The following GPR107 variants were observed in gnomAD, a reference collection of about 807,000 sequenced individuals.
The protein encoded by GPR107 is G protein-coupled receptor 107, also known as protein GPR107.
In GPR107, 31 loss-of-function variants were observed where a neutral mutation model predicts 75.5. The ratio of observed to expected loss-of-function variants is 0.41; its 90% CI spans 0.31 to 0.55. GPR107 has a LOEUF of 0.55. Among genes scored for constraint, GPR107 ranks in the 20% least tolerant of loss-of-function variants. The probability of loss-of-function intolerance (pLI) is 0.26; values close to 1 mark genes in which losing one functional copy is unlikely to be tolerated. For synonymous variants in GPR107, 267 were observed against 251.3 expected (o/e 1.06, Z -0.59); for missense variants, 572 against 665.7 (o/e 0.86, Z 1.55).
intron 9 of GPR107, among the ~76,000 whole-genome samples, chr9:130,095,158 G>A (rs1031128724): frequency 3.3e-5 from 5 of 152,062 alleles, no homozygotes; most frequent in African/African-American, 1.2e-4. Flanking sequence ...ATGAAACTGG[G>A]ACAGTAATAG....
At chr9:130,091,840 G>T (rs1270722500) in intron 8 of GPR107, among the ~76,000 whole-genome samples, 1 of 151,788 alleles carries the variant, frequency 6.6e-6, no homozygotes, top group Non-Finnish European at 1.5e-5. Context: ...GGATTACAAG[G>T]GTGCGCCACC....
At chr9:130,104,357 GGC>G (rs1831109327) in intron 12 of GPR107, 61 bp from the exon 13 acceptor site, 1 of 1,531,112 alleles carries the variant, frequency 6.5e-7, no homozygotes, top group East Asian at 2.2e-5. Flanking sequence ...CCCACATTGG[GGC>G]TGCTAGCATC....
chr9:130,063,381 A>G (rs542602095), intron 1 of GPR107, among the ~76,000 whole-genome samples: 7 of 152,266 alleles, frequency 4.6e-5, no homozygotes, highest in Admixed American at 3.9e-4. Flanking sequence ...TAGTAGAGAC[A>G]GGGTTTCACC....
intron 1 of GPR107, among the ~76,000 whole-genome samples, chr9:130,071,942 C>T (rs543051069): frequency 6.7e-6 from 1 of 149,980 alleles, no homozygotes; most frequent in East Asian, 2.0e-4. Context: ...GCCGCGGCCT[C>T]CCAAAGTGCT....
chr9:130,100,969 T>C, intron 11 of GPR107, 137 bp from the exon 12 acceptor site: 2 of 700,894 alleles, frequency 2.9e-6, no homozygotes, highest in South Asian at 1.7e-5. Flanking sequence ...GTGGTGCTCA[T>C]GTATGATGGA....
intron 1 of GPR107, among the ~76,000 whole-genome samples, chr9:130,058,872 G>T (rs1829859910): frequency 6.6e-6 from 1 of 152,134 alleles, no homozygotes; most frequent in Non-Finnish European, 1.5e-5. Flanking sequence ...TGGTCTTCCA[G>T]CGTGTGGATA....
intron 15 of GPR107, among the ~76,000 whole-genome samples, chr9:130,125,855 C>T (rs1275884526): frequency 1.3e-5 from 2 of 151,946 alleles, no homozygotes; most frequent in Non-Finnish European, 2.9e-5. Flanking sequence ...CGAGACCATC[C>T]TGTCCAACAT....
intron 1 of GPR107, among the ~76,000 whole-genome samples, chr9:130,055,355 G>A (rs1035477271): frequency 2.6e-5 from 4 of 151,916 alleles, no homozygotes; most frequent in Non-Finnish European, 4.4e-5. Context: ...TGCAGTCCCA[G>A]CTACTCGGGA....
In GPR107 at chr9:130,112,801, G is replaced by A. The variant is rs546108092; in HGVS notation, c.1306+5262G>A. Among the ~76,000 whole-genome samples, 33 of 152,092 alleles carry A rather than the reference G, an allele frequency of 2.2e-4. 1 individual carries two copies. The South Asian group carries it at 2.9e-3, about 13-fold the overall frequency. On this transcript the variant is annotated intron_variant, in intron 14 of 17. Coordinates refer to ENST00000347136, the MANE Select transcript of GPR107 (RefSeq NM_020960.5). The surrounding 1 kb of genome is among the most constrained non-coding windows in gnomAD (Gnocchi z 4.0). ...GTCTTGCACTGTTGCCCAGGCTGGAGTCCAGTGGTGTAATCTTGGCTTACT... is the reference window on the plus strand; with the variant it reads ...GTCTTGCACTGTTGCCCAGGCTGGAATCCAGTGGTGTAATCTTGGCTTACT...
intron 1 of GPR107, among the ~76,000 whole-genome samples, chr9:130,056,857 G>A (rs529541100): frequency 2.1e-5 from 3 of 144,498 alleles, no homozygotes; most frequent in Admixed American, 1.4e-4. Flanking sequence ...CCCGGGAGTC[G>A]GAGCTTGCAG....
chr9:130,095,112 G>A (rs954906272), intron 9 of GPR107, among the ~76,000 whole-genome samples: 5 of 152,126 alleles, frequency 3.3e-5, no homozygotes, highest in African/African-American at 9.7e-5. Flanking sequence ...CTGCCTGTGT[G>A]CCTTGCTTCA....
At chr9:130,073,768 G>A (rs543256720) in intron 1 of GPR107, among the ~76,000 whole-genome samples, 1 of 152,202 alleles carries the variant, frequency 6.6e-6, no homozygotes, top group South Asian at 2.1e-4. Flanking sequence ...TGTTGTTGTT[G>A]TTTTTGAGAC....
At chr9:130,085,754 A>ATTTTTTTTTTTTTTTTTTT (rs71387311) in intron 6 of GPR107, among the ~76,000 whole-genome samples, 3,672 of 78,176 alleles carry the variant, frequency 0.047, 893 homozygotes, top group East Asian at 0.11. Flanking sequence ...CAATATTTTG[A>ATTTTTTTTTTTTTTTTTTT]TTTTTTTTTT....
intron 14 of GPR107, among the ~76,000 whole-genome samples, chr9:130,116,193 T>G (rs568985162): frequency 4.6e-5 from 7 of 152,258 alleles, no homozygotes; most frequent in East Asian, 3.9e-4. Context: ...GTGTTGGGAA[T>G]CTAGAACTTC....
At position 130,136,930 on chromosome 9, in the gene GPR107, AC is replaced by A. The variant is rs1831972801; in HGVS notation, c.*1811del. On this transcript the variant is annotated 3_prime_UTR_variant, in exon 18 of 18. Coordinates refer to ENST00000347136, the MANE Select transcript of GPR107 (RefSeq NM_020960.5). ...ATGCACCCTAAGTGTTCACTTCTGG[AC>A]CTTTTTCAAGTTCACTTGGGACTGT... 1 of 152,138 alleles carries A rather than the reference AC, an allele frequency of 6.6e-6. No homozygotes were observed. The highest frequency in any genetic ancestry group is 6.5e-5 in the Admixed American group (1 of 15,272). The allele number at this position is 152,138 out of a possible 1,614,324, so 9.4% of individuals were successfully genotyped here.
Position 130,058,462 on chromosome 9 carries a change from CT to C in GPR107, c.141+4396del, listed in dbSNP as rs554366603. On this transcript the variant is annotated intron_variant, in intron 1 of 17. Coordinates refer to ENST00000347136, the MANE Select transcript of GPR107 (RefSeq NM_020960.5). Reference sequence around the variant, plus strand: ...TAAGTGGAATCACAGGATGAGTAGGCTTTTTTTCTTTTTTTTTTTTTAGACG... The same window carrying C: ...TAAGTGGAATCACAGGATGAGTAGGCTTTTTTCTTTTTTTTTTTTTAGACG... 4.9e-4 allele frequency among the ~76,000 whole-genome samples: 75 copies of C among 151,552 alleles called. No homozygotes were observed. In the South Asian group the frequency reaches 0.014, roughly 27 times the overall value.
At chr9:130,074,747 G>A (rs1446394734) in intron 1 of GPR107, among the ~76,000 whole-genome samples, 1 of 151,908 alleles carries the variant, frequency 6.6e-6, no homozygotes, top group African/African-American at 2.4e-5. Flanking sequence ...TCACTTTTAG[G>A]TGAAAATTCA....
chr9:130,138,933 T>C lies in GPR107; in HGVS notation c.*3812T>C, dbSNP rs376347831. On this transcript the variant is annotated 3_prime_UTR_variant, in exon 18 of 18. Coordinates refer to ENST00000347136, the MANE Select transcript of GPR107 (RefSeq NM_020960.5). ...TCTTTGAGGAAGGCTCTTAGAACATTAGATAGTCTGCTGAGGTTGTTGGCC... is the reference window on the plus strand; with the variant it reads ...TCTTTGAGGAAGGCTCTTAGAACATCAGATAGTCTGCTGAGGTTGTTGGCC... 1.4e-4 allele frequency: 22 copies of C among 152,310 alleles called. No individual in the cohort carries two copies. The highest frequency in any genetic ancestry group is 4.1e-4 in the African/African-American group (17 of 41,550). 9.4% of individuals were successfully genotyped at this position (152,310 alleles called of 1,614,324 possible). A position where few individuals can be genotyped will look rare whatever the true frequency, so the allele number is the denominator to read the frequency against.
intron 1 of GPR107, among the ~76,000 whole-genome samples, chr9:130,064,855 G>A (rs1589481996): frequency 1.3e-5 from 2 of 152,254 alleles, no homozygotes; most frequent in East Asian, 3.9e-4. Context: ...TGCAAACCAA[G>A]AATGTTAAGA....
Sources: allele counts gnomAD v4.1 joint callset (sites outside exome capture counted in the v4.1 genomes callset), GRCh38; gene constraint gnomAD v4.1.1; non-coding constraint Gnocchi (gnomAD v3.1); transcripts MANE v1.5; gene names NCBI Gene and HGNC (gene_info 2026-07-23, HGNC 2026-07-21).